The following ADAM19 variants were observed in gnomAD, a reference collection of about 807,000 sequenced individuals.
The protein encoded by ADAM19 is disintegrin and metalloproteinase domain-containing protein 19.
Under a neutral mutation model 114.7 loss-of-function variants are expected in ADAM19, and 65 were observed. The observed-to-expected ratio is 0.57, with a 90% CI of 0.46 to 0.70. The LOEUF (loss-of-function observed/expected upper bound fraction) is 0.70, where lower values mean the gene tolerates loss of function less well. ADAM19 is among the 30% of genes least tolerant of loss of function. ADAM19 has a pLI of 0.00. For missense variants in ADAM19, 1,063 were observed against 1,204.7 expected (o/e 0.88, Z 1.74); for synonymous variants, 466 against 460.5 (o/e 1.01, Z -0.15).
chr5:157,489,468 A>G (rs1217902729), intron 19 of ADAM19, among the ~76,000 whole-genome samples: 2 of 152,188 alleles, frequency 1.3e-5, no homozygotes, highest in Admixed American at 6.5e-5. Context: ...GAGGAGACAC[A>G]AGGGTGTCAC....
At chr5:157,497,762 A>G (rs1205456649) in intron 13 of ADAM19, among the ~76,000 whole-genome samples, 1 of 152,234 alleles carries the variant, frequency 6.6e-6, no homozygotes, top group Non-Finnish European at 1.5e-5. Flanking sequence ...CACTTTGCAG[A>G]TCAATAAGTT....
intron 5 of ADAM19, among the ~76,000 whole-genome samples, chr5:157,528,939 G>C (rs1756548680): frequency 6.6e-6 from 1 of 152,154 alleles, no homozygotes; most frequent in Admixed American, 6.6e-5. Context: ...AATGAAAAAT[G>C]CAATCATTGA....
chr5:157,527,304 G>A (rs558718933), intron 5 of ADAM19, among the ~76,000 whole-genome samples: 13 of 152,142 alleles, frequency 8.5e-5, no homozygotes, highest in East Asian at 7.8e-4. Flanking sequence ...TCCGCCTCCC[G>A]GGTTCACGCC....
chr5:157,513,664 A>G (rs1756001065), intron 7 of ADAM19, among the ~76,000 whole-genome samples, 159 bp from the exon 8 acceptor site: 1 of 152,144 alleles, frequency 6.6e-6, no homozygotes, highest in African/African-American at 2.4e-5. Context: ...AGAGCTTTGG[A>G]GGGTAGGACC....
chr5:157,503,203 G>A (rs1755624951), intron 11 of ADAM19, among the ~76,000 whole-genome samples: 1 of 152,158 alleles, frequency 6.6e-6, no homozygotes, highest in East Asian at 1.9e-4. Context: ...GGACATGGAT[G>A]AAGCTGGAAA....
intron 5 of ADAM19, among the ~76,000 whole-genome samples, chr5:157,521,243 T>C (rs1235450879): frequency 6.6e-6 from 1 of 152,170 alleles, no homozygotes; most frequent in Admixed American, 6.5e-5. Flanking sequence ...CCAACCTTGA[T>C]ACAATGAGAT....
intron 6 of ADAM19, 135 bp downstream of exon 6, chr5:157,519,704 A>G: frequency 1.2e-6 from 1 of 842,638 alleles, no homozygotes; most frequent in Non-Finnish European, 1.8e-6. Flanking sequence ...ATGACAGAAT[A>G]AAAGAAAAAC....
intron 14 of ADAM19, among the ~76,000 whole-genome samples, chr5:157,496,267 A>C (rs2113705830): frequency 6.6e-6 from 1 of 152,348 alleles, no homozygotes; most frequent in East Asian, 1.9e-4. Flanking sequence ...GCATTGCATT[A>C]TATGAATGTA....
intron 1 of ADAM19, among the ~76,000 whole-genome samples, chr5:157,573,036 A>G (rs1757874076): frequency 6.6e-6 from 1 of 152,224 alleles, no homozygotes; most frequent in Non-Finnish European, 1.5e-5. Flanking sequence ...TCCATCTCAG[A>G]AATAAAAAAA....
intron 15 of ADAM19, among the ~76,000 whole-genome samples, chr5:157,493,830 C>T (rs1425088668): frequency 6.6e-6 from 1 of 152,214 alleles, no homozygotes; most frequent in African/African-American, 2.4e-5. Flanking sequence ...CAACATTATA[C>T]TTTAACTGTA....
chr5:157,569,799 AG>A (rs1311419691), intron 2 of ADAM19, among the ~76,000 whole-genome samples: 2 of 152,206 alleles, frequency 1.3e-5, no homozygotes, highest in Non-Finnish European at 2.9e-5. Context: ...AAGAGATCTT[AG>A]AAAAAACCCC....
rs114372309 is a variant in ADAM19, at chr5:157,547,550, C to T, written c.252-9559G>A. Among the ~76,000 whole-genome samples, 461 of 152,286 alleles carry T rather than the reference C, an allele frequency of 3.0e-3. 1 individual carries two copies. The highest frequency in any genetic ancestry group is 0.014 in the Middle Eastern group (4 of 294). On this transcript the variant is annotated intron_variant, in intron 3 of 22. Coordinates refer to ENST00000257527, the MANE Select transcript of ADAM19 (RefSeq NM_033274.5). ...GCATAGCAAGAAGGCCCTCATGAGA[C>T]GCTGATACCTTGATGTTGGACTTGC...
At chr5:157,484,050 T>A (rs920273069) in intron 21 of ADAM19, among the ~76,000 whole-genome samples, 6 of 152,280 alleles carry the variant, frequency 3.9e-5, no homozygotes, top group African/African-American at 1.4e-4. Flanking sequence ...GTTGTCCATG[T>A]GTGTGGCACA....
intron 21 of ADAM19, among the ~76,000 whole-genome samples, chr5:157,486,861 T>G (rs549981974): frequency 6.6e-6 from 1 of 151,922 alleles, no homozygotes; most frequent in South Asian, 2.1e-4. Flanking sequence ...TATTTAGAGA[T>G]AAGGTCTTTA....
intron 8 of ADAM19, among the ~76,000 whole-genome samples, chr5:157,512,018 T>C (rs1755937454): frequency 6.6e-6 from 1 of 152,174 alleles, no homozygotes; most frequent in South Asian, 2.1e-4. Flanking sequence ...AGATGTCACA[T>C]GGGGGAAAGC....
At chr5:157,560,056 G>C (rs1757468875) in intron 3 of ADAM19, among the ~76,000 whole-genome samples, 2 of 151,666 alleles carry the variant, frequency 1.3e-5, no homozygotes, top group South Asian at 4.2e-4. Context: ...ACGAGGTCAG[G>C]AGATCGAGAC....
Position 157,480,653 on chromosome 5 carries a change from C to T in ADAM19, c.*296G>A. 3 of 1,219,808 alleles carry T rather than the reference C, an allele frequency of 2.5e-6. No homozygotes were observed. The highest frequency in any genetic ancestry group is 3.1e-6 in the Non-Finnish European group (3 of 972,158). 75.6% of individuals were successfully genotyped at this position (1,219,808 alleles called of 1,614,324 possible). On this transcript the variant is annotated 3_prime_UTR_variant, in exon 23 of 23. Transcript: ENST00000257527. ...GAGCATCTCCATCAGCACCTCGGGG[C>T]TAGGAGTCTGGAGGAGAAGCTGCCA... is the stretch of plus-strand genomic sequence containing the variant.
intron 7 of ADAM19, among the ~76,000 whole-genome samples, chr5:157,514,607 G>A (rs745733346): frequency 9.9e-5 from 15 of 152,164 alleles, no homozygotes; most frequent in Non-Finnish European, 1.3e-4. Flanking sequence ...GATTACAGGC[G>A]TGAGCCACTG....
At chr5:157,481,099 G>A in intron 22 of ADAM19, 97 bp from the exon 23 acceptor site, 2 of 1,506,946 alleles carry the variant, frequency 1.3e-6, no homozygotes, top group Non-Finnish European at 9.1e-7. Flanking sequence ...AAGGAAGGAT[G>A]GACCACCCAC....
Sources: allele counts gnomAD v4.1 joint callset (sites outside exome capture counted in the v4.1 genomes callset), GRCh38; gene constraint gnomAD v4.1.1; transcripts MANE v1.5; gene names NCBI Gene and HGNC (gene_info 2026-07-23, HGNC 2026-07-21).